PACSIN2: variants seen among roughly 807,000 people sequenced by gnomAD.
PACSIN2 encodes protein kinase C and casein kinase substrate in neurons 2.
Under a neutral mutation model 63.8 loss-of-function variants are expected in PACSIN2, and 25 were observed. The observed-to-expected ratio is 0.39, with a 90% CI of 0.29 to 0.55. PACSIN2 has a LOEUF of 0.55. Ranked by LOEUF, PACSIN2 falls within the 20% of genes least tolerant of loss-of-function variation. The probability of loss-of-function intolerance (pLI) is 0.62; values close to 1 mark genes in which losing one functional copy is unlikely to be tolerated. For synonymous variants in PACSIN2, 255 were observed against 256.2 expected (o/e 1.00, Z 0.05); for missense variants, 518 against 646.9 (o/e 0.80, Z 2.16).
intron 6 of PACSIN2, 28 bp downstream of exon 6, chr22:42,884,356 CGT>C (rs779256032): frequency 2.5e-6 from 4 of 1,593,670 alleles, no homozygotes; most frequent in South Asian, 1.1e-5. Flanking sequence ...ACTTCAATGA[CGT>C]GTGTGTTTTA....
chr22:42,899,876 G>C (rs894449243), intron 2 of PACSIN2, among the ~76,000 whole-genome samples: 1 of 152,202 alleles, frequency 6.6e-6, no homozygotes, highest in Non-Finnish European at 1.5e-5. Flanking sequence ...CATCAATTAA[G>C]AATACGTGCA....
intron 7 of PACSIN2, 110 bp from the exon 8 acceptor site, chr22:42,879,279 T>A (rs777295308): frequency 3.6e-5 from 43 of 1,186,600 alleles, no homozygotes; most frequent in Non-Finnish European, 4.9e-5. Context: ...GTGCATCTGA[T>A]GTGTAGACTC....
At chr22:42,928,769 T>C (rs1932692558) in intron 1 of PACSIN2, among the ~76,000 whole-genome samples, 1 of 152,134 alleles carries the variant, frequency 6.6e-6, no homozygotes, top group African/African-American at 2.4e-5. Flanking sequence ...ACAAAATCAA[T>C]AAAGCTACAC....
chr22:42,904,724 C>CA (rs1178678312), intron 2 of PACSIN2, among the ~76,000 whole-genome samples: 1 of 150,658 alleles, frequency 6.6e-6, no homozygotes, highest in East Asian at 1.9e-4. Context: ...ACAGCCCCCC[C>CA]ATACTGCACT....
At chr22:42,953,953 G>T (rs576315415) in intron 1 of PACSIN2, among the ~76,000 whole-genome samples, 41 of 152,290 alleles carry the variant, frequency 2.7e-4, no homozygotes, top group African/African-American at 9.6e-4. Flanking sequence ...AATAAGAACA[G>T]CAAGTACAAA....
intron 5 of PACSIN2, among the ~76,000 whole-genome samples, chr22:42,885,583 C>T (rs370978536): frequency 1.2e-4 from 18 of 152,124 alleles, no homozygotes; most frequent in African/African-American, 4.3e-4. Context: ...GGGACTGAGT[C>T]TACCCTGCCC....
At chr22:42,904,086 T>G (rs1472894219) in intron 2 of PACSIN2, among the ~76,000 whole-genome samples, 1 of 152,118 alleles carries the variant, frequency 6.6e-6, no homozygotes, top group Non-Finnish European at 1.5e-5. Context: ...AATTGCAATT[T>G]TCAGATCCTA....
chr22:42,983,608 G>A (rs984147090), intron 1 of PACSIN2, among the ~76,000 whole-genome samples: 1 of 151,612 alleles, frequency 6.6e-6, no homozygotes, highest in African/African-American at 2.4e-5. Context: ...GACAATAAAA[G>A]ATTGACATAT....
chr22:42,910,482 C>T (rs1387781540), intron 2 of PACSIN2, among the ~76,000 whole-genome samples: 1 of 152,230 alleles, frequency 6.6e-6, no homozygotes, highest in Non-Finnish European at 1.5e-5. Flanking sequence ...GACCTGATTA[C>T]TGTGAACCTG....
At chr22:42,932,893 T>G (rs538836672) in intron 1 of PACSIN2, among the ~76,000 whole-genome samples, 81 of 152,304 alleles carry the variant, frequency 5.3e-4, no homozygotes, top group South Asian at 1.0e-3. Flanking sequence ...AGTCCACACT[T>G]TCCACACTTT....
At chr22:42,921,330 C>G (rs1932179973) in intron 1 of PACSIN2, among the ~76,000 whole-genome samples, 1 of 150,880 alleles carries the variant, frequency 6.6e-6, no homozygotes, top group East Asian at 2.0e-4. Flanking sequence ...CTGTCGCCCA[C>G]CCTGGGCGAC....
intron 1 of PACSIN2, among the ~76,000 whole-genome samples, chr22:42,947,206 G>A (rs937643445): frequency 1.3e-5 from 2 of 152,166 alleles, no homozygotes; most frequent in African/African-American, 4.8e-5. Context: ...CAGAAAATAG[G>A]GGCATTCACA....
chr22:42,900,008 T>A (rs969032800), intron 2 of PACSIN2, among the ~76,000 whole-genome samples: 10 of 152,186 alleles, frequency 6.6e-5, no homozygotes, highest in African/African-American at 2.4e-4. Flanking sequence ...CGGTTATTGA[T>A]GAGCGAGTCC....
Position 42,888,614 on chromosome 22 carries a change from C to T in PACSIN2, c.609+29G>A, listed in dbSNP as rs555841912. 8.7e-6 allele frequency: 14 copies of T among 1,608,860 alleles called. No individual in the cohort carries two copies. In the East Asian group the frequency reaches 1.6e-4, roughly 18 times the overall value. On this transcript the variant is annotated intron_variant, in intron 5 of 10. Transcript: ENST00000263246. The stretch of plus-strand genomic sequence containing the variant: ...CGTCAACAACTGACACGGTGACACT[C>T]GACGTGTAAAAACAAGTGTACAGTT...
chr22:42,900,957 G>A (rs757651373), intron 2 of PACSIN2, among the ~76,000 whole-genome samples: 27 of 152,122 alleles, frequency 1.8e-4, no homozygotes, highest in Non-Finnish European at 2.1e-4. Context: ...CCCTGTGGGC[G>A]CCAGCAAGTC....
intron 5 of PACSIN2, among the ~76,000 whole-genome samples, chr22:42,887,966 G>C (rs1278457935): frequency 6.6e-6 from 1 of 151,940 alleles, no homozygotes; most frequent in Non-Finnish European, 1.5e-5. Context: ...GCCTGTCACT[G>C]TGGAGACTGC....
chr22:42,953,467 T>C (rs1373823624), intron 1 of PACSIN2, among the ~76,000 whole-genome samples: 2 of 152,124 alleles, frequency 1.3e-5, no homozygotes, highest in African/African-American at 2.4e-5. Flanking sequence ...GAAAAATAAC[T>C]AAAAGGTGTA....
At position 42,882,311 on chromosome 22, in the gene PACSIN2, C is replaced by CA; in HGVS notation, c.786-8dup. ...ATGGTAAATGGCTTTGTAGCTAAAT[C>CA]AGAGAGAAACGTGGCTCTTTTAGAA... On this transcript the variant is annotated splice_polypyrimidine_tract_variant and splice_region_variant and intron_variant, in intron 6 of 10. Transcript: ENST00000263246. 6.2e-7 allele frequency: 1 copy of CA among 1,604,268 alleles called. No individual in the cohort carries two copies. The highest frequency in any genetic ancestry group is 8.5e-7 in the Non-Finnish European group (1 of 1,174,190).
chr22:42,986,049 C>T (rs1290952814), intron 1 of PACSIN2, among the ~76,000 whole-genome samples: 1 of 152,204 alleles, frequency 6.6e-6, no homozygotes, highest in Non-Finnish European at 1.5e-5. Context: ...ACTTTCCAAA[C>T]AACGATCCCC....
Sources: gnomAD v4.1 joint callset for allele counts (sites outside exome capture counted in the v4.1 genomes callset) on GRCh38, gnomAD v4.1.1 for gene constraint, MANE v1.5 for transcripts, NCBI Gene and HGNC (gene_info 2026-07-23, HGNC 2026-07-21) for gene names.